Variants in JAM3 observed in about 807,000 individuals in gnomAD.
JAM3 encodes junctional adhesion molecule 3, also known as junctional adhesion molecule C.
Under a neutral mutation model 39.4 loss-of-function variants are expected in JAM3, and 31 were observed. The ratio of observed to expected loss-of-function variants is 0.79; its 90% CI spans 0.59 to 1.06. The LOEUF is 1.06. Ranked by LOEUF, JAM3 falls within the 50% of genes least tolerant of loss-of-function variation. The probability of loss-of-function intolerance (pLI) is 0.00; values close to 1 mark genes in which losing one functional copy is unlikely to be tolerated. For missense variants in JAM3, 455 were observed against 391.4 expected (o/e 1.16, Z -1.37); for synonymous variants, 182 against 148.7 (o/e 1.22, Z -1.63).
At chr11:134,140,955 A>C (rs977804006) in intron 3 of JAM3, among the ~76,000 whole-genome samples, 185 bp downstream of exon 3, 1 of 151,832 alleles carries the variant, frequency 6.6e-6, no homozygotes, top group Non-Finnish European at 1.5e-5. Flanking sequence ...CAAATGGTAT[A>C]TCAAGCCTCC....
intron 1 of JAM3, among the ~76,000 whole-genome samples, chr11:134,100,222 A>G (rs1942049864): frequency 6.6e-6 from 1 of 151,818 alleles, no homozygotes; most frequent in Non-Finnish European, 1.5e-5. Flanking sequence ...AAATGATCCC[A>G]TTTTTCTGAT....
intron 1 of JAM3, among the ~76,000 whole-genome samples, chr11:134,107,666 G>A (rs559168334): frequency 4.9e-4 from 75 of 151,916 alleles, no homozygotes; most frequent in Non-Finnish European, 9.6e-4. Flanking sequence ...ATTAGAAAAA[G>A]AGCCTGGGCA....
At chr11:134,082,885 G>A (rs1369188156) in intron 1 of JAM3, among the ~76,000 whole-genome samples, 1 of 152,198 alleles carries the variant, frequency 6.6e-6, no homozygotes, top group East Asian at 1.9e-4. Flanking sequence ...TATTTTTAGA[G>A]TGTCTGCTGA....
At chr11:134,097,551 G>A (rs559607940) in intron 1 of JAM3, among the ~76,000 whole-genome samples, 30 of 152,174 alleles carry the variant, frequency 2.0e-4, no homozygotes, top group African/African-American at 6.7e-4. Flanking sequence ...CTGGGTTTGA[G>A]GAGCAGGCTG....
intron 1 of JAM3, among the ~76,000 whole-genome samples, chr11:134,115,057 G>A (rs1284123435): frequency 6.6e-6 from 1 of 152,030 alleles, no homozygotes; most frequent in East Asian, 1.9e-4. Flanking sequence ...GAATTTTTAT[G>A]TTCTTTTGAT....
intron 1 of JAM3, among the ~76,000 whole-genome samples, chr11:134,086,433 G>A (rs564601201): frequency 2.2e-4 from 33 of 151,704 alleles, no homozygotes; most frequent in Admixed American, 9.2e-4. Flanking sequence ...ACAAAAATCT[G>A]GTTTTAAGTT....
In JAM3 at chr11:134,147,435, C is replaced by G. The variant is rs188044676; in HGVS notation, c.713-1112C>G. On this transcript the variant is annotated intron_variant, in intron 6 of 8. Coordinates refer to ENST00000299106, the MANE Select transcript of JAM3 (RefSeq NM_032801.5). Reference sequence around the variant, plus strand: ...CACCACAGAACTCCAGCCTGGGTGACGGTGACGGAGCAAGACTCTGTCTCA... The same window carrying G: ...CACCACAGAACTCCAGCCTGGGTGAGGGTGACGGAGCAAGACTCTGTCTCA... 6.6e-3 allele frequency among the ~76,000 whole-genome samples: 769 copies of G among 116,584 alleles called. 8 individuals carry two copies. Among genetic ancestry groups the G allele is most frequent in the African/African-American group, 0.025 (732 of 29,764 alleles). 76.5% of individuals were successfully genotyped at this position (116,584 alleles called of 152,430 possible).
At chr11:134,106,647 AAAC>A (rs1942194840) in intron 1 of JAM3, among the ~76,000 whole-genome samples, 1 of 151,200 alleles carries the variant, frequency 6.6e-6, no homozygotes, top group African/African-American at 2.4e-5. Context: ...TACAAGAAAA[AAAC>A]CTCATCAACA....
intron 1 of JAM3, among the ~76,000 whole-genome samples, chr11:134,109,799 A>G (rs1342449034): frequency 6.6e-6 from 1 of 152,238 alleles, no homozygotes; most frequent in Non-Finnish European, 1.5e-5. Flanking sequence ...TGCCCAGTAA[A>G]TAAATACTTT....
At chr11:134,140,517 A>C (rs1159218733) in intron 2 of JAM3, 140 bp from the exon 3 acceptor site, 14 of 703,536 alleles carry the variant, frequency 2.0e-5, no homozygotes, top group Non-Finnish European at 3.3e-5. Flanking sequence ...CCTTTCTCAA[A>C]GTCTCTTGGA....
intron 1 of JAM3, among the ~76,000 whole-genome samples, chr11:134,132,338 C>T (rs188944729): frequency 5.9e-5 from 9 of 152,238 alleles, no homozygotes; most frequent in Admixed American, 2.0e-4. Context: ...AACCATCCTT[C>T]AACTATGAAG....
At chr11:134,137,667 G>A (rs898106372) in intron 1 of JAM3, among the ~76,000 whole-genome samples, 10 of 152,000 alleles carry the variant, frequency 6.6e-5, no homozygotes, top group African/African-American at 1.2e-4. Context: ...GTGGTGTCTC[G>A]TCTAAGTCGT....
chr11:134,101,197 T>C (rs537900417), intron 1 of JAM3, among the ~76,000 whole-genome samples: 1 of 152,368 alleles, frequency 6.6e-6, no homozygotes, highest in Admixed American at 6.5e-5. Context: ...ATGAACTTCA[T>C]ACATATTGCT....
At chr11:134,102,448 T>G (rs1942093516) in intron 1 of JAM3, among the ~76,000 whole-genome samples, 1 of 152,048 alleles carries the variant, frequency 6.6e-6, no homozygotes, top group African/African-American at 2.4e-5. Flanking sequence ...ATTCTAAAAA[T>G]CAGAGCGCTT....
At chr11:134,124,270 G>T (rs112149794) in intron 1 of JAM3, 3 of 998,878 alleles carry the variant, frequency 3.0e-6, no homozygotes, top group Non-Finnish European at 4.8e-6. Context: ...GTAGGGTTGT[G>T]AGTTACAAGA....
intron 1 of JAM3, among the ~76,000 whole-genome samples, chr11:134,124,607 C>T (rs1406235217): frequency 6.6e-6 from 1 of 152,188 alleles, no homozygotes; most frequent in Non-Finnish European, 1.5e-5. Context: ...ACATAAGCAG[C>T]CTTTACTACA....
chr11:134,069,199 G>C (rs777644657), intron 1 of JAM3, 40 bp downstream of exon 1: 2 of 1,603,156 alleles, frequency 1.2e-6, no homozygotes, highest in African/African-American at 2.7e-5. Context: ...ACTAGGGTCT[G>C]GGGGCGACGG....
chr11:134,121,201 G>A (rs976706768), intron 1 of JAM3, among the ~76,000 whole-genome samples: 2 of 152,216 alleles, frequency 1.3e-5, no homozygotes, highest in Non-Finnish European at 2.9e-5. Flanking sequence ...TTTTAAACAA[G>A]CGAAGTGATT....
intron 1 of JAM3, among the ~76,000 whole-genome samples, chr11:134,104,992 C>T (rs1942154512): frequency 6.6e-6 from 1 of 152,172 alleles, no homozygotes; most frequent in African/African-American, 2.4e-5. Context: ...GGGAATCCTC[C>T]CTAACTCATT....
Sources: allele counts gnomAD v4.1 joint callset (sites outside exome capture counted in the v4.1 genomes callset), GRCh38; gene constraint gnomAD v4.1.1; transcripts MANE v1.5; gene names NCBI Gene and HGNC (gene_info 2026-07-23, HGNC 2026-07-21).